Variants in MYO19 observed in about 807,000 individuals in gnomAD.
The protein encoded by MYO19 is myosin XIX.
A neutral mutation model predicts 129.2 loss-of-function variants in MYO19; 132 were observed. The observed-to-expected ratio is 1.02, with a 90% CI of 0.89 to 1.18. The LOEUF (loss-of-function observed/expected upper bound fraction) is 1.18, where lower values mean the gene tolerates loss of function less well. Among genes scored for constraint, MYO19 ranks in the 50% most tolerant of loss-of-function variants. MYO19 has a pLI of 0.00. For missense variants in MYO19, 1,210 were observed against 1,216.7 expected, an observed-to-expected ratio of 0.99 and a Z score of 0.08; for synonymous variants, 531 against 477.2, an observed-to-expected ratio of 1.11 and a Z score of -1.47.
intron 23 of MYO19, among the ~76,000 whole-genome samples, chr17:36,499,504 CTTTTTT>C (rs67039403): frequency 0.3 from 45,132 of 149,402 alleles, 8,127 homozygotes; most frequent in Non-Finnish European, 0.41. Context: ...CCTTTAAAAA[CTTTTTT>C]TTTTGTTTTG....
chr17:36,532,824 T>C lies in MYO19; in HGVS notation c.-143-143A>G, dbSNP rs540113477. 29 of 534,318 alleles carry C rather than the reference T, an allele frequency of 5.4e-5. No homozygotes were observed. In the Admixed American group the frequency reaches 7.3e-4, roughly 13 times the overall value. The allele number at this position is 534,318 out of a possible 1,614,324, so 33.1% of individuals were successfully genotyped here. A position where few individuals can be genotyped will look rare whatever the true frequency, so the allele number is the denominator to read the frequency against. ...CGGAGAGTGGGCCTGTCCTTTCCCT[T>C]GCCAATTAGGAGACAGGGAAACTTT... On this transcript the variant is annotated intron_variant, in intron 2 of 25. Coordinates refer to ENST00000614623, the MANE Select transcript of MYO19 (RefSeq NM_001163735.2).
chr17:36,527,544 G>A lies in MYO19; in HGVS notation c.300+7C>T. ...CCCTGAGGCCACAGGCAGCGGCAGA[G>A]CCTTACCTGGGGCTGAGGCGCAGCA... On this transcript the variant is annotated splice_region_variant and intron_variant, in intron 5 of 25. Transcript: ENST00000614623. 6.2e-7 allele frequency: 1 copy of A among 1,612,842 alleles called. No homozygotes were observed. Among genetic ancestry groups the A allele is most frequent in the Non-Finnish European group, 8.5e-7 (1 of 1,179,336 alleles).
intron 11 of MYO19, 145 bp from the exon 12 acceptor site, chr17:36,511,600 T>G (rs1481630865): frequency 1.4e-6 from 1 of 733,156 alleles, no homozygotes; most frequent in Non-Finnish European, 2.4e-6. Flanking sequence ...CCAGACACAA[T>G]TCTATACAAG....
At chr17:36,542,524 C>T (rs934008758) in intron 1 of MYO19, among the ~76,000 whole-genome samples, 2 of 151,880 alleles carry the variant, frequency 1.3e-5, no homozygotes, top group Admixed American at 6.6e-5. Flanking sequence ...ACGATGAAAC[C>T]CCGTCTCTAA....
rs79996020 is a variant in MYO19, at chr17:36,528,985, G to C, written c.13-783C>G. Among the ~76,000 whole-genome samples, 390 of 152,262 alleles carry C rather than the reference G, an allele frequency of 2.6e-3. 1 individual carries two copies. Among genetic ancestry groups the C allele is most frequent in the African/African-American group, 9.0e-3 (372 of 41,546 alleles). Reference sequence around the variant, plus strand: ...TGTAAAACAGCTGTACCTTCTGAGAGAGGTAGCCCCATGTCTTCATCACCT... The same window carrying C: ...TGTAAAACAGCTGTACCTTCTGAGACAGGTAGCCCCATGTCTTCATCACCT... On this transcript the variant is annotated intron_variant, in intron 3 of 25. Transcript: ENST00000614623.
upstream of MYO19, chr17:36,534,895 A>G (rs1170889384): frequency 6.6e-6 from 1 of 152,312 alleles, no homozygotes; most frequent in Non-Finnish European, 1.5e-5. Context: ...CAGTGAGGAA[A>G]GGAACCTGGG....
rs1464518680 is a variant in MYO19 at position 36,504,010 on chromosome 17, T to G, written c.1916A>C (p.Gln639Pro). Residue 639 changes from glutamine (Q) to proline (P), a missense_variant, in exon 20 of 26, where the codon CAG becomes CCG. Physicochemically the swap from Gln to Pro is moderately conservative, Grantham distance 76 (BLOSUM62 -1). Transcript: ENST00000614623. The stretch of plus-strand genomic sequence containing the variant: ...CTCCACGAGGCCACAGGCCTCCAGC[T>G]GGCTCAGGACCTGCAAGGGTGGGGA... Reference protein sequence around the residue: ...QTFLQEEVLSQLEACGLVETI... With the variant: ...QTFLQEEVLSPLEACGLVETI... 1 of 1,575,532 alleles carries G rather than the reference T, an allele frequency of 6.3e-7. No homozygotes were observed. The highest frequency in any genetic ancestry group is 8.6e-7 in the Non-Finnish European group (1 of 1,163,018).
At position 36,511,352 on chromosome 17, in the gene MYO19, C is replaced by T. The variant is rs949526651; in HGVS notation, c.985+13G>A. ...CTGACAGGGCCTGCCCCATCCTACA[C>T]CCTGACCCTCACACTTGGCATCATC... On this transcript the variant is annotated intron_variant, in intron 12 of 25. Transcript: ENST00000614623. The T allele has an allele frequency of 6.4e-7, 1 of 1,567,200 alleles. No homozygotes were observed. The highest frequency in any genetic ancestry group is 2.4e-5 in the East Asian group (1 of 42,080).
Position 36,528,079 on chromosome 17 carries a change from C to T in MYO19, c.136G>A (p.Val46Met), listed in dbSNP as rs767697363. ...AGGCCCATACCTGTCTCTAGTGTCA[C>T]AGGATTCACCCTGGTGAGGTCATCC... The part of the protein sequence containing the change: ...KLDDLTRVNP[V>M]TLETVLRCLQ... Residue 46 changes from valine to methionine, a missense_variant, in exon 4 of 26, where the codon GTG becomes ATG. Physicochemically the swap from Val to Met is conservative, Grantham distance 21 (BLOSUM62 1). Coordinates refer to ENST00000614623, the MANE Select transcript of MYO19 (RefSeq NM_001163735.2). 1.9e-6 allele frequency: 3 copies of T among 1,613,406 alleles called. No individual in the cohort carries two copies. The highest frequency in any genetic ancestry group is 1.3e-5 in the African/African-American group (1 of 74,938).
chr17:36,509,236 T>C lies in MYO19; in HGVS notation c.1158-101A>G, dbSNP rs896392671. ...CAGGGTGCTACACCCTGGGGGGCCC[T>C]TGTATTCTGAGCCTGACAGGTCAAA... On this transcript the variant is annotated intron_variant, in intron 13 of 25. Coordinates refer to ENST00000614623, the MANE Select transcript of MYO19 (RefSeq NM_001163735.2). 33 of 1,000,766 alleles carry C rather than the reference T, an allele frequency of 3.3e-5. No homozygotes were observed. In the African/African-American group the frequency reaches 5.0e-4, roughly 15 times the overall value. The allele number at this position is 1,000,766 out of a possible 1,614,324, so 62.0% of individuals were successfully genotyped here.
chr17:36,527,369 G>A (rs1181349107), intron 5 of MYO19, among the ~76,000 whole-genome samples, 182 bp downstream of exon 5: 1 of 152,018 alleles, frequency 6.6e-6, no homozygotes, highest in Non-Finnish European at 1.5e-5. Flanking sequence ...TGCACCTTCT[G>A]TCCTGTAGTC....
At chr17:36,507,269 T>C (rs1032058786) in intron 16 of MYO19, 130 bp from the exon 17 acceptor site, 1 of 1,426,904 alleles carries the variant, frequency 7.0e-7, no homozygotes, top group Non-Finnish European at 9.6e-7. Flanking sequence ...ACAGAAAAAA[T>C]ATAGCAATTA....
intron 3 of MYO19, among the ~76,000 whole-genome samples, chr17:36,530,557 C>T (rs1387190861): frequency 8.3e-5 from 12 of 144,124 alleles, no homozygotes; most frequent in Non-Finnish European, 1.8e-4. Context: ...CCCGGGTTCA[C>T]GCCATTCTCC....
chr17:36,517,183 T>C (rs1461445705), intron 6 of MYO19, among the ~76,000 whole-genome samples: 1 of 152,238 alleles, frequency 6.6e-6, no homozygotes, highest in East Asian at 1.9e-4. Flanking sequence ...TATTGATGTC[T>C]ACTCCTTCAT....
chr17:36,522,027 T>C (rs2411194), intron 6 of MYO19, among the ~76,000 whole-genome samples: 7,447 of 45,906 alleles, frequency 0.16, 578 homozygotes, highest in East Asian at 0.3. Flanking sequence ...AAGACTGTCT[T>C]TAAAAAAAAA....
At chr17:36,521,069 T>C (rs950066293) in intron 6 of MYO19, among the ~76,000 whole-genome samples, 2 of 152,234 alleles carry the variant, frequency 1.3e-5, no homozygotes, top group East Asian at 1.9e-4. Context: ...ATTTTTATCA[T>C]CTCCATTTGA....
chr17:36,517,192 A>G (rs2072812125), intron 6 of MYO19, among the ~76,000 whole-genome samples: 1 of 152,198 alleles, frequency 6.6e-6, no homozygotes, highest in Non-Finnish European at 1.5e-5. Context: ...CTACTCCTTC[A>G]TTCCTGATAC....
upstream of MYO19, chr17:36,538,567 T>C (rs1318311732): frequency 6.2e-7 from 1 of 1,613,582 alleles, no homozygotes; most frequent in Admixed American, 1.7e-5. Context: ...TCCAACTGTT[T>C]AATTGTATAT....
chr17:36,511,883 G>A (rs2072354953), intron 11 of MYO19, among the ~76,000 whole-genome samples: 2 of 152,154 alleles, frequency 1.3e-5, no homozygotes, highest in Non-Finnish European at 2.9e-5. Flanking sequence ...CTGCTTCCTT[G>A]AGCCCTTTCC....
Sources: allele counts gnomAD v4.1 joint callset (sites outside exome capture counted in the v4.1 genomes callset), GRCh38; gene constraint gnomAD v4.1.1; transcripts MANE v1.5; gene names NCBI Gene and HGNC (gene_info 2026-07-23, HGNC 2026-07-21).